KIDINS220: variants seen among roughly 807,000 people sequenced by gnomAD.
The protein encoded by KIDINS220 is kinase D interacting substrate 220.
A neutral mutation model predicts 157.6 loss-of-function variants in KIDINS220; 63 were observed. The ratio of observed to expected loss-of-function variants is 0.40; its 90% CI spans 0.33 to 0.49. KIDINS220 has a LOEUF of 0.49. KIDINS220 is among the 20% of genes least tolerant of loss of function. KIDINS220 has a pLI of 0.66. For missense variants in KIDINS220, 1,772 were observed against 2,171.2 expected, an observed-to-expected ratio of 0.82 and a Z score of 3.65; for synonymous variants, 732 against 783.6, an observed-to-expected ratio of 0.93 and a Z score of 1.10.
chr2:8,818,944 TAA>T, intron 2 of KIDINS220, 151 bp from the exon 3 acceptor site: 1 of 426,246 alleles, frequency 2.3e-6, no homozygotes, highest in Admixed American at 4.3e-5. Flanking sequence ...CTTTGAACTT[TAA>T]GTTTCAGTTT....
chr2:8,748,974 T>C (rs1005448411), intron 24 of KIDINS220, among the ~76,000 whole-genome samples: 9 of 152,200 alleles, frequency 5.9e-5, no homozygotes, highest in African/African-American at 2.2e-4. Context: ...GGAGCTATTT[T>C]ATGCAAACTT....
In KIDINS220 at chr2:8,796,775, T is replaced by A; in HGVS notation, c.1094A>T (p.Asp365Val). ...CTCTCCGCACAGATGTTTTACCTTA[T>A]CTACAGCAGACACTTTAGCACCTTT... Reference protein sequence around the residue: ...LDKGAKVSAVDKKGDTPLHIA... With the variant: ...LDKGAKVSAVVKKGDTPLHIA... The change falls in exon 11 of 30, where the codon GAT (aspartate) becomes GTT (valine). Residue 365 changes from aspartate (D) to valine (V), a missense_variant. Transcript: ENST00000256707. 2.5e-6 allele frequency: 4 copies of A among 1,612,246 alleles called. No homozygotes were observed. Among genetic ancestry groups the A allele is most frequent in the Non-Finnish European group, 3.4e-6 (4 of 1,178,240 alleles).
chr2:8,782,848 A>C (rs1671889028), intron 17 of KIDINS220, among the ~76,000 whole-genome samples: 1 of 152,350 alleles, frequency 6.6e-6, no homozygotes, highest in Non-Finnish European at 1.5e-5. Context: ...GATTTATGCC[A>C]GGTAGGTAGG....
At chr2:8,796,484 C>G (rs1269332057) in intron 11 of KIDINS220, among the ~76,000 whole-genome samples, 1 of 152,188 alleles carries the variant, frequency 6.6e-6, no homozygotes, top group African/African-American at 2.4e-5. Context: ...GCAGCAAGCT[C>G]TACCCTGATG....
intron 22 of KIDINS220, among the ~76,000 whole-genome samples, chr2:8,758,621 TC>T (rs1167713119): frequency 6.6e-6 from 1 of 152,228 alleles, no homozygotes; most frequent in Non-Finnish European, 1.5e-5. Context: ...AATTTGCTCT[TC>T]TTTTTCTAGC....
chr2:8,830,104 C>T (rs1679392593), intron 1 of KIDINS220, among the ~76,000 whole-genome samples: 1 of 152,136 alleles, frequency 6.6e-6, no homozygotes, highest in Non-Finnish European at 1.5e-5. Flanking sequence ...ATTTTTCATC[C>T]AGTTTACCCC....
Position 8,786,320 on chromosome 2 carries a change from C to T in KIDINS220, c.1825G>A (p.Gly609Ser). ...ATTTCAGCCAGAGAAGTTTCTCCAC[C>T]TACACTGGACAGTCTATTGTAATCT... ...FTDYNRLSSV[G>S]GETSLAEMIA... Residue 609 changes from glycine to serine, a missense_variant, in exon 16 of 30, where the codon GGT becomes AGT. Around this residue, in one of 3 missense-constraint regions of KIDINS220, gnomAD observed 725 missense variants for 1,017.1 expected, o/e 0.71. Coordinates refer to ENST00000256707, the MANE Select transcript of KIDINS220 (RefSeq NM_020738.4). The T allele has an allele frequency of 1.2e-6, 2 of 1,613,930 alleles. No individual in the cohort carries two copies.
chr2:8,789,912 A>G lies in KIDINS220; in HGVS notation c.1589T>C (p.Leu530Pro). The G allele has an allele frequency of 6.2e-7, 1 of 1,612,584 alleles. No individual in the cohort carries two copies. Among genetic ancestry groups the G allele is most frequent in the Non-Finnish European group, 8.5e-7 (1 of 1,179,630 alleles). ...VHPNLGIAVS[L>P]SFLALLYIFF... ...TATATATAAGAGAGCCAAGAAGCTC[A>G]GTGACACTGCTATTCCAAGATTTGG... The change falls in exon 14 of 30, where the codon CTG (leucine) becomes CCG (proline). Residue 530 changes from leucine (L) to proline (P), a missense_variant. Around this residue, in one of 3 missense-constraint regions of KIDINS220, gnomAD observed 725 missense variants for 1,017.1 expected, o/e 0.71. Transcript: ENST00000256707.
Position 8,730,615 on chromosome 2 carries a change from ATC to A in KIDINS220, c.*103_*104del. On this transcript the variant is annotated 3_prime_UTR_variant, in exon 30 of 30. Transcript: ENST00000256707. ...ACCTCGGCCTCATCATCGGTTAGTT[ATC>A]TGTCAGCAAAATGTAGAAAGGTGAT... The A allele has an allele frequency of 6.8e-7, 1 of 1,467,020 alleles. No homozygotes were observed. Among genetic ancestry groups the A allele is most frequent in the Non-Finnish European group, 9.0e-7 (1 of 1,116,276 alleles). The allele number at this position is 1,467,020 out of a possible 1,614,324, so 90.9% of individuals were successfully genotyped here.
intron 7 of KIDINS220, 38 bp downstream of exon 7, chr2:8,806,231 CAT>C (rs1675435496): frequency 7.1e-7 from 1 of 1,404,456 alleles, no homozygotes; most frequent in Non-Finnish European, 9.9e-7. Context: ...AAATAAAAAA[CAT>C]GTTTCTATTG....
At position 8,731,066 on chromosome 2, in the gene KIDINS220, C is replaced by T. The variant is rs199738000; in HGVS notation, c.4970G>A (p.Ser1657Asn). 22 of 1,614,120 alleles carry T rather than the reference C, an allele frequency of 1.4e-5. No homozygotes were observed. The highest frequency in any genetic ancestry group is 8.5e-6 in the Non-Finnish European group (10 of 1,180,054). ...SEDKKSPSEC[S>N]LIASSPEENW... ...TTCTTCAGGGCTGCTGGCTATCAAG[C>T]TGCATTCGGAAGGGCTTTTCTTGTC... is the stretch of plus-strand genomic sequence containing the variant. The change falls in exon 30 of 30, where the codon AGC becomes AAC. Residue 1657 changes from serine to asparagine, a missense_variant. This residue lies in a region of KIDINS220 where 793 missense variants were observed against 885.5 expected (regional missense o/e 0.90). Transcript: ENST00000256707. The surrounding 1 kb of genome is among the most constrained non-coding windows in gnomAD (Gnocchi z 5.2).
Position 8,812,464 on chromosome 2 carries a change from T to A in KIDINS220, c.435A>T (p.Ala145=). The A allele has an allele frequency of 6.3e-7, 1 of 1,597,844 alleles. No homozygotes were observed. The highest frequency in any genetic ancestry group is 8.5e-7 in the Non-Finnish European group (1 of 1,171,978). The change falls in exon 6 of 30, where the codon GCA becomes GCT. Residue 145 remains alanine (A), a synonymous_variant. Coordinates refer to ENST00000256707, the MANE Select transcript of KIDINS220 (RefSeq NM_020738.4). ...GAACTATATCTGCATGGCCTCTCCC[T>A]GCTGCCCAAATGATTGGGTAAACAC... ...LYSVYPIIWA[A]GRGHADIVHL... is the part of the protein sequence containing the mutation.
downstream of KIDINS220, chr2:8,728,770 T>C (rs1663625429): frequency 6.5e-6 from 5 of 768,092 alleles, no homozygotes; most frequent in South Asian, 2.4e-4. Flanking sequence ...AAAAGACTAG[T>C]TGGGAGCAGT....
intron 2 of KIDINS220, among the ~76,000 whole-genome samples, chr2:8,825,420 A>C (rs1678634069): frequency 6.6e-6 from 1 of 150,700 alleles, no homozygotes; most frequent in Non-Finnish European, 1.5e-5. Flanking sequence ...AACAATGGAG[A>C]AATACTTAAT....
chr2:8,796,413 A>T (rs1673929750), intron 11 of KIDINS220, among the ~76,000 whole-genome samples: 1 of 152,116 alleles, frequency 6.6e-6, no homozygotes, highest in African/African-American at 2.4e-5. Flanking sequence ...GAACATTAAC[A>T]CCGTCTGCTC....
chr2:8,782,410 C>T (rs570469023), intron 17 of KIDINS220, among the ~76,000 whole-genome samples: 17 of 152,260 alleles, frequency 1.1e-4, no homozygotes, highest in African/African-American at 3.8e-4. Flanking sequence ...TAAAGGGATA[C>T]TACAAACAAC....
intron 7 of KIDINS220, among the ~76,000 whole-genome samples, chr2:8,805,583 CA>C (rs1239270261): frequency 1.3e-5 from 2 of 152,070 alleles, no homozygotes; most frequent in Non-Finnish European, 2.9e-5. Flanking sequence ...CAAATATAAC[CA>C]AAGATACTCT....
At chr2:8,815,090 T>C (rs954270363) in intron 4 of KIDINS220, among the ~76,000 whole-genome samples, 1 of 152,202 alleles carries the variant, frequency 6.6e-6, no homozygotes, top group Non-Finnish European at 1.5e-5. Context: ...TTTAACATCA[T>C]GTCCTCACTT....
rs1663818464 is a variant in KIDINS220, at chr2:8,730,063, C to G, written c.*657G>C. 2 of 985,374 alleles carry G rather than the reference C, an allele frequency of 2.0e-6. No homozygotes were observed. Among genetic ancestry groups the G allele is most frequent in the Non-Finnish European group, 2.4e-6 (2 of 830,006 alleles). The allele number at this position is 985,374 out of a possible 1,614,324, so 61.0% of individuals were successfully genotyped here. A position where few individuals can be genotyped will look rare whatever the true frequency, so the allele number is the denominator to read the frequency against. On this transcript the variant is annotated 3_prime_UTR_variant, in exon 30 of 30. Coordinates refer to ENST00000256707, the MANE Select transcript of KIDINS220 (RefSeq NM_020738.4). ...AACCCACGGAGGTCACCAGCCCTCC[C>G]CGCATCTACTCTCCTAACAGCTCAG...
Sources: gnomAD v4.1 joint callset for allele counts (sites outside exome capture counted in the v4.1 genomes callset) on GRCh38, gnomAD v4.1.1 for gene constraint, gnomAD v4.1.1 regional missense constraint, Gnocchi (gnomAD v3.1) non-coding constraint, MANE v1.5 for transcripts, NCBI Gene and HGNC (gene_info 2026-07-23, HGNC 2026-07-21) for gene names.